ZC3H7B: variants seen among roughly 807,000 people sequenced by gnomAD.
The protein encoded by ZC3H7B is zinc finger CCCH-type containing 7B.
A neutral mutation model predicts 116.0 loss-of-function variants in ZC3H7B; 35 were observed. The observed-to-expected ratio is 0.30, with a 90% CI of 0.23 to 0.40. The LOEUF is 0.40. ZC3H7B is among the 10% of genes least tolerant of loss of function. The probability of loss-of-function intolerance (pLI) is 1.00; values close to 1 mark genes in which losing one functional copy is unlikely to be tolerated. For synonymous variants in ZC3H7B, 502 were observed against 545.6 expected (o/e 0.92, Z 1.11); for missense variants, 1,011 against 1,321.5 (o/e 0.77, Z 3.64).
At chr22:41,315,540 T>A (rs993851505) in intron 1 of ZC3H7B, among the ~76,000 whole-genome samples, 15 of 152,090 alleles carry the variant, frequency 9.9e-5, no homozygotes, top group African/African-American at 3.6e-4. Flanking sequence ...TCTGCATAGG[T>A]TGCCATATCA....
chr22:41,325,899 C>G lies in ZC3H7B; in HGVS notation c.266C>G (p.Ala89Gly). Reference sequence around the variant, plus strand: ...CTGTGCAAGCTGCATGTCAATAGGGCCGCCTGCTACTTCACCATGGTGAGC... The same window carrying G: ...CTGTGCAAGCTGCATGTCAATAGGGGCGCCTGCTACTTCACCATGGTGAGC... The part of the protein sequence containing the change: ...ELLCKLHVNR[A>G]ACYFTMGLYE... The change falls in exon 4 of 23, where the codon GCC becomes GGC. Residue 89 changes from alanine (A) to glycine (G), a missense_variant. By Grantham distance (60) the Ala-to-Gly change is moderately conservative. Coordinates refer to ENST00000352645, the MANE Select transcript of ZC3H7B (RefSeq NM_017590.6). 6.2e-7 allele frequency: 1 copy of G among 1,607,622 alleles called. No homozygotes were observed. The highest frequency in any genetic ancestry group is 8.5e-7 in the Non-Finnish European group (1 of 1,178,036).
chr22:41,321,098 T>G (rs2036250918), intron 2 of ZC3H7B, among the ~76,000 whole-genome samples: 1 of 152,060 alleles, frequency 6.6e-6, no homozygotes, highest in Non-Finnish European at 1.5e-5. Context: ...AGACAGAATC[T>G]CTCCTTGTTG....
Position 41,341,234 on chromosome 22 carries a change from G to A in ZC3H7B, c.1197+88G>A. The A allele has an allele frequency of 2.0e-6, 3 of 1,502,982 alleles. No homozygotes were observed. In the South Asian group the frequency reaches 3.5e-5, roughly 17 times the overall value. 93.1% of individuals were successfully genotyped at this position (1,502,982 alleles called of 1,614,324 possible). A position where few individuals can be genotyped will look rare whatever the true frequency, so the allele number is the denominator to read the frequency against. Reference sequence around the variant, plus strand: ...TTGGGGAATGAGCCCTCTGCATGGGGTAAGGCACTGCATTCCCCACGGCGG... The same window carrying A: ...TTGGGGAATGAGCCCTCTGCATGGGATAAGGCACTGCATTCCCCACGGCGG... On this transcript the variant is annotated intron_variant, in intron 11 of 22. Coordinates refer to ENST00000352645, the MANE Select transcript of ZC3H7B (RefSeq NM_017590.6).
At chr22:41,354,944 C>G (rs1432978472) in intron 17 of ZC3H7B, among the ~76,000 whole-genome samples, 1 of 152,184 alleles carries the variant, frequency 6.6e-6, no homozygotes, top group African/African-American at 2.4e-5. Context: ...CTTCCCATCT[C>G]CTGGACCCCC....
intron 9 of ZC3H7B, 145 bp downstream of exon 9, chr22:41,339,336 G>T (rs1198450935): frequency 4.8e-6 from 5 of 1,031,360 alleles, no homozygotes; most frequent in Non-Finnish European, 6.7e-6. Flanking sequence ...GTACAGAAAT[G>T]AAGCTGCACA....
intron 2 of ZC3H7B, 53 bp from the exon 3 acceptor site, chr22:41,325,511 T>C (rs1013306771): frequency 6.3e-7 from 1 of 1,582,990 alleles, no homozygotes; most frequent in African/African-American, 1.3e-5. Flanking sequence ...TGGACCTCCA[T>C]GAAGCTGGGA....
rs2036718662 is a variant in ZC3H7B at position 41,356,475 on chromosome 22, T to C, written c.2516T>C (p.Met839Thr). ...ATGCCCACGGACTACGCGGACATCA[T>C]GGTAACGCCTCCGCCCTGCATGCTC... is the stretch of plus-strand genomic sequence containing the variant. Reference protein sequence around the residue: ...IQMPTDYADIMMGYHCWLCGK... With the variant: ...IQMPTDYADITMGYHCWLCGK... The change falls in exon 21 of 23, where the codon ATG becomes ACG. Residue 839 changes from methionine to threonine, a missense_variant and splice_region_variant. By Grantham distance (81) the Met-to-Thr change is moderately conservative. Coordinates refer to ENST00000352645, the MANE Select transcript of ZC3H7B (RefSeq NM_017590.6). The C allele has an allele frequency of 6.2e-7, 1 of 1,613,858 alleles. No individual in the cohort carries two copies. The highest frequency in any genetic ancestry group is 8.5e-7 in the Non-Finnish European group (1 of 1,179,990).
intron 1 of ZC3H7B, among the ~76,000 whole-genome samples, chr22:41,317,769 G>A (rs2036202751): frequency 1.3e-5 from 2 of 152,176 alleles, no homozygotes; most frequent in African/African-American, 2.4e-5. Flanking sequence ...GGGCAACAGA[G>A]CGAGACCCTA....
chr22:41,310,230 C>G (rs2036100969), intron 1 of ZC3H7B, among the ~76,000 whole-genome samples: 1 of 152,120 alleles, frequency 6.6e-6, no homozygotes, highest in Admixed American at 6.6e-5. Flanking sequence ...TGAAAACTTA[C>G]AGGATAATTA....
In ZC3H7B at chr22:41,332,162, C is replaced by T. The variant is rs777206939; in HGVS notation, c.526-9C>T. The T allele has an allele frequency of 4.3e-6, 7 of 1,613,964 alleles. No individual in the cohort carries two copies. Among genetic ancestry groups the T allele is most frequent in the Middle Eastern group, 1.6e-4 (1 of 6,082 alleles). ...TTACCTCTGCCCACCTCTCTCCAAT[C>T]TCTGGCAGGAATTGGAAACCTTTTC... On this transcript the variant is annotated splice_polypyrimidine_tract_variant and intron_variant, in intron 6 of 22. Coordinates refer to ENST00000352645, the MANE Select transcript of ZC3H7B (RefSeq NM_017590.6).
rs567913244 is a variant in ZC3H7B at position 41,305,825 on chromosome 22, C to T, written c.-7+4053C>T. Among the ~76,000 whole-genome samples the T allele has an allele frequency of 7.9e-5, 12 of 152,234 alleles. No individual in the cohort carries two copies. In the South Asian group the frequency reaches 1.9e-3, roughly 24 times the overall value. On this transcript the variant is annotated intron_variant, in intron 1 of 22. Coordinates refer to ENST00000352645, the MANE Select transcript of ZC3H7B (RefSeq NM_017590.6). ...AGATATGGACCATTAATCTGAGCTT[C>T]CCAAGGACAGGAACTGGGTCTGATT...
At chr22:41,321,487 T>C (rs1186785049) in intron 2 of ZC3H7B, among the ~76,000 whole-genome samples, 2 of 152,048 alleles carry the variant, frequency 1.3e-5, no homozygotes, top group Non-Finnish European at 2.9e-5. Flanking sequence ...AGTGCTGGGA[T>C]TACAGGCGTG....
intron 2 of ZC3H7B, among the ~76,000 whole-genome samples, chr22:41,323,174 C>T (rs567886450): frequency 3.3e-5 from 5 of 152,328 alleles, no homozygotes; most frequent in African/African-American, 9.6e-5. Flanking sequence ...CTTCCCTGGG[C>T]TGTTGTCCAA....
At chr22:41,303,171 G>A (rs1213186813) in intron 1 of ZC3H7B, among the ~76,000 whole-genome samples, 1 of 152,218 alleles carries the variant, frequency 6.6e-6, no homozygotes, top group Non-Finnish European at 1.5e-5. Context: ...GGACTGCAAG[G>A]TGGAAATGAC....
Position 41,356,474 on chromosome 22 carries a change from A to G in ZC3H7B, c.2515A>G (p.Met839Val). 6.2e-7 allele frequency: 1 copy of G among 1,613,956 alleles called. No homozygotes were observed. The highest frequency in any genetic ancestry group is 1.7e-5 in the Admixed American group (1 of 60,022). The change falls in exon 21 of 23, where the codon ATG becomes GTG. Residue 839 changes from methionine (M) to valine (V), a missense_variant and splice_region_variant. By Grantham distance (21) the Met-to-Val change is conservative. Coordinates refer to ENST00000352645, the MANE Select transcript of ZC3H7B (RefSeq NM_017590.6). ...IQMPTDYADI[M>V]MGYHCWLCGK... is the part of the protein sequence containing the mutation. The stretch of plus-strand genomic sequence containing the variant: ...GATGCCCACGGACTACGCGGACATC[A>G]TGGTAACGCCTCCGCCCTGCATGCT...
intron 2 of ZC3H7B, among the ~76,000 whole-genome samples, chr22:41,323,706 T>C (rs1201034490): frequency 6.6e-6 from 1 of 152,232 alleles, no homozygotes; most frequent in Non-Finnish European, 1.5e-5. Context: ...GTGTGCTTCA[T>C]GTGCTTAGCA....
chr22:41,309,578 G>A (rs576917191), intron 1 of ZC3H7B, among the ~76,000 whole-genome samples: 1 of 152,232 alleles, frequency 6.6e-6, no homozygotes, highest in Non-Finnish European at 1.5e-5. Context: ...GCCTCCCAAA[G>A]TGCTGGGATT....
intron 1 of ZC3H7B, among the ~76,000 whole-genome samples, chr22:41,313,161 C>T (rs2036138733): frequency 6.7e-6 from 1 of 149,166 alleles, no homozygotes; most frequent in Admixed American, 6.9e-5. Flanking sequence ...CTGTGTCGCC[C>T]AGGCTGGAGT....
chr22:41,350,330 G>A (rs561440227), intron 16 of ZC3H7B, among the ~76,000 whole-genome samples: 27 of 152,318 alleles, frequency 1.8e-4, no homozygotes, highest in African/African-American at 6.3e-4. Context: ...AACAACTGGG[G>A]TTGTTCTAAA....
Sources: gnomAD v4.1 joint callset for allele counts (sites outside exome capture counted in the v4.1 genomes callset) on GRCh38, gnomAD v4.1.1 for gene constraint, MANE v1.5 for transcripts, NCBI Gene and HGNC (gene_info 2026-07-23, HGNC 2026-07-21) for gene names.